The following ITPR1 variants were observed in gnomAD, a reference collection of about 807,000 sequenced individuals.
ITPR1 encodes inositol 1,4,5-trisphosphate receptor type 1.
In ITPR1, 96 loss-of-function variants were observed where a neutral mutation model predicts 318.4. That is an observed-to-expected ratio of 0.30 (90% CI 0.26 to 0.36). The LOEUF (loss-of-function observed/expected upper bound fraction) is 0.36, where lower values mean the gene tolerates loss of function less well. Ranked by LOEUF, ITPR1 falls within the 10% of genes least tolerant of loss-of-function variation. The probability of loss-of-function intolerance (pLI) is 1.00; values close to 1 mark genes in which losing one functional copy is unlikely to be tolerated. For missense variants in ITPR1, 2,440 were observed against 3,460.2 expected (o/e 0.71, Z 7.40); for synonymous variants, 1,312 against 1,289.9 (o/e 1.02, Z -0.37).
Position 4,689,245 on chromosome 3 carries a change from T to A in ITPR1, c.3828+625T>A, listed in dbSNP as rs114573687. On this transcript the variant is annotated intron_variant, in intron 31 of 61. Transcript: ENST00000649015. ...TTTTAAAAAAACATTCTCATATTAATGGACAGTTAGGCAATGTCTGATTTT... is the reference window on the plus strand; with the variant it reads ...TTTTAAAAAAACATTCTCATATTAAAGGACAGTTAGGCAATGTCTGATTTT... 2.4e-3 allele frequency among the ~76,000 whole-genome samples: 365 copies of A among 152,360 alleles called. 1 individual carries two copies. The highest frequency in any genetic ancestry group is 8.1e-3 in the African/African-American group (336 of 41,580).
intron 4 of ITPR1, among the ~76,000 whole-genome samples, chr3:4,590,882 C>A (rs957629993): frequency 2.0e-5 from 3 of 152,044 alleles, no homozygotes; most frequent in African/African-American, 7.3e-5. Flanking sequence ...CTCCTTCCAC[C>A]CTCCCCCTCC....
chr3:4,616,270 A>G (rs1435112579), intron 4 of ITPR1, among the ~76,000 whole-genome samples: 1 of 152,238 alleles, frequency 6.6e-6, no homozygotes, highest in East Asian at 1.9e-4. Context: ...GAATAGAATG[A>G]TTAATAGAGC....
intron 55 of ITPR1, among the ~76,000 whole-genome samples, chr3:4,809,727 G>A (rs3792509): frequency 0.57 from 85,892 of 151,990 alleles, 24,646 homozygotes; most frequent in Non-Finnish European, 0.61. Flanking sequence ...GAGTGAAAAG[G>A]AAAAAATCGC....
intron 5 of ITPR1, among the ~76,000 whole-genome samples, chr3:4,635,496 A>G (rs995871947): frequency 4.6e-5 from 7 of 150,546 alleles, no homozygotes; most frequent in Non-Finnish European, 8.9e-5. Context: ...GCCCGCCACC[A>G]CGCCCGGCTA....
chr3:4,592,122 T>C (rs746179623), intron 4 of ITPR1, among the ~76,000 whole-genome samples: 1 of 152,166 alleles, frequency 6.6e-6, no homozygotes, highest in Non-Finnish European at 1.5e-5. Flanking sequence ...AATAACAAAA[T>C]TGAGTGAGGT....
chr3:4,509,529 T>C (rs979932124), intron 2 of ITPR1, among the ~76,000 whole-genome samples: 8 of 152,248 alleles, frequency 5.3e-5, no homozygotes, highest in Non-Finnish European at 1.2e-4. Flanking sequence ...TGGTGGCTCA[T>C]GCCTGTAATT....
At chr3:4,845,132 C>A (rs1435325365) in intron 61 of ITPR1, among the ~76,000 whole-genome samples, 1 of 152,212 alleles carries the variant, frequency 6.6e-6, no homozygotes, top group African/African-American at 2.4e-5. Context: ...AATGACAAAA[C>A]CATAAGAAAC....
intron 40 of ITPR1, among the ~76,000 whole-genome samples, chr3:4,718,230 A>G (rs905907465): frequency 4.6e-5 from 7 of 152,234 alleles, no homozygotes. Context: ...ATTCATGTAC[A>G]TAATTGAGAG....
intron 61 of ITPR1, among the ~76,000 whole-genome samples, chr3:4,844,123 A>ATTTT (rs34975561): frequency 0.024 from 3,372 of 140,476 alleles, 162 homozygotes; most frequent in East Asian, 0.17. Flanking sequence ...GCAGACCAAG[A>ATTTT]TTTTTTTTTT....
Position 4,814,544 on chromosome 3 carries a change from C to T in ITPR1, c.7683C>T (p.Leu2561=), listed in dbSNP as rs763820410. The change falls in exon 58 of 62, where the codon CTC becomes CTT. Residue 2561 remains leucine, a synonymous_variant. Coordinates refer to ENST00000649015, the MANE Select transcript of ITPR1 (RefSeq NM_001378452.1). The part of the protein sequence containing the change: ...LRSGGGVGDV[L]RKPSKEEPLF... The stretch of plus-strand genomic sequence containing the variant: ...GCGGGGGTGGAGTAGGAGATGTACT[C>T]AGGAAGCCGTCCAAAGAGGTAAATT... 3.8e-6 allele frequency: 6 copies of T among 1,593,444 alleles called. No homozygotes were observed. In the African/African-American group the frequency reaches 8.8e-5, roughly 23 times the overall value.
chr3:4,517,015 CCTAT>C (rs1350007562), intron 3 of ITPR1, among the ~76,000 whole-genome samples: 4 of 152,166 alleles, frequency 2.6e-5, no homozygotes, highest in African/African-American at 4.8e-5. Flanking sequence ...TCCTGGGCTG[CCTAT>C]CTCTTTTCTT....
chr3:4,816,865 G>A (rs1259392387), intron 59 of ITPR1, among the ~76,000 whole-genome samples: 6 of 152,130 alleles, frequency 3.9e-5, no homozygotes, highest in African/African-American at 1.2e-4. Context: ...GATGATGGTT[G>A]CCCAATGATG....
intron 2 of ITPR1, among the ~76,000 whole-genome samples, chr3:4,500,615 G>T (rs1015951522): frequency 6.6e-6 from 1 of 152,140 alleles, no homozygotes; most frequent in Non-Finnish European, 1.5e-5. Flanking sequence ...GAATTTCCTA[G>T]GTGAAAGTAT....
chr3:4,787,786 A>G (rs375701710), intron 51 of ITPR1, among the ~76,000 whole-genome samples, 161 bp from the exon 52 acceptor site: 11 of 152,116 alleles, frequency 7.2e-5, no homozygotes, highest in African/African-American at 2.4e-4. Flanking sequence ...TACCCAAGCT[A>G]TTTTTTATAT....
intron 4 of ITPR1, among the ~76,000 whole-genome samples, chr3:4,609,056 A>G (rs1312725243): frequency 2.0e-4 from 12 of 60,182 alleles, no homozygotes; most frequent in Non-Finnish European, 2.9e-4. Context: ...AACGAAATAT[A>G]TATATATATA....
Position 4,667,529 on chromosome 3 carries a change from G to A in ITPR1, c.1866G>A (p.Val622=), listed in dbSNP as rs371291291. Residue 622 remains valine, a synonymous_variant, in exon 18 of 62, where the codon GTG becomes GTA. Coordinates refer to ENST00000649015, the MANE Select transcript of ITPR1 (RefSeq NM_001378452.1). ...AGATTGACACATTTGTCAGCCTGGT[G>A]CGAAAGAACAGGGAGCCCAGGTGAG... ...AAEIDTFVSL[V]RKNREPRFLD... 8 of 1,613,458 alleles carry A rather than the reference G, an allele frequency of 5.0e-6. No homozygotes were observed. Among genetic ancestry groups the A allele is most frequent in the Non-Finnish European group, 6.8e-6 (8 of 1,179,646 alleles).
chr3:4,778,760 C>G (rs991085157), intron 48 of ITPR1, among the ~76,000 whole-genome samples: 4 of 152,116 alleles, frequency 2.6e-5, no homozygotes, highest in Non-Finnish European at 5.9e-5. Flanking sequence ...AATTTGTGCC[C>G]TGCGATAGCA....
chr3:4,710,316 C>A lies in ITPR1; in HGVS notation c.4843-9C>A. 6.5e-7 allele frequency: 1 copy of A among 1,535,234 alleles called. No individual in the cohort carries two copies. The highest frequency in any genetic ancestry group is 1.2e-5 in the South Asian group (1 of 82,594). ...TGAGCCGTTGACTGAGGCTGTGTTT[C>A]CGTTTTAGGACATCGTCTCCGCGCT... On this transcript the variant is annotated splice_polypyrimidine_tract_variant and intron_variant, in intron 37 of 61. Coordinates refer to ENST00000649015, the MANE Select transcript of ITPR1 (RefSeq NM_001378452.1). This position sits in a 1 kb window ranked among gnomAD's most constrained non-coding sequence, Gnocchi z 4.2.
At chr3:4,679,636 C>T (rs76509404) in intron 24 of ITPR1, among the ~76,000 whole-genome samples, 1 of 152,192 alleles carries the variant, frequency 6.6e-6, no homozygotes, top group Non-Finnish European at 1.5e-5. Flanking sequence ...GATTCAAATG[C>T]CAGTCCATTC....
Sources: gnomAD v4.1 joint callset for allele counts (sites outside exome capture counted in the v4.1 genomes callset) on GRCh38, gnomAD v4.1.1 for gene constraint, Gnocchi (gnomAD v3.1) non-coding constraint, MANE v1.5 for transcripts, NCBI Gene and HGNC (gene_info 2026-07-23, HGNC 2026-07-21) for gene names.